CLIP2: variants seen among roughly 807,000 people sequenced by gnomAD.
CLIP2 encodes the protein CAP-Gly domain-containing linker protein 2.
CLIP2 carries 41 observed loss-of-function variants against 111.7 expected under a neutral mutation model. The ratio of observed to expected loss-of-function variants is 0.37; its 90% confidence interval spans 0.29 to 0.48. CLIP2 has a LOEUF of 0.48. Ranked by LOEUF, CLIP2 falls within the 20% of genes least tolerant of loss-of-function variation. The pLI is 0.99. For synonymous variants in CLIP2, 660 were observed against 644.2 expected (o/e 1.02, Z -0.37); for missense variants, 1,160 against 1,422.1 (o/e 0.82, Z 2.96).
At chr7:74,353,772 C>A in intron 3 of CLIP2, 108 bp from the exon 4 acceptor site, 1 of 1,488,962 alleles carries the variant, frequency 6.7e-7, no homozygotes, top group Non-Finnish European at 9.4e-7. Flanking sequence ...CTCCCGTGTC[C>A]TCTGCATGCT....
chr7:74,334,979 G>A (rs1337913107), intron 2 of CLIP2, among the ~76,000 whole-genome samples: 1 of 151,866 alleles, frequency 6.6e-6, no homozygotes, highest in African/African-American at 2.4e-5. Flanking sequence ...TCCAGCCTGG[G>A]CAACAGAGTG....
intron 9 of CLIP2, among the ~76,000 whole-genome samples, chr7:74,374,437 G>T (rs1299837462): frequency 2.6e-5 from 4 of 152,226 alleles, no homozygotes. Flanking sequence ...AGGGCTGGGT[G>T]TGGTGGCTCA....
At chr7:74,334,126 C>A (rs1002424813) in intron 2 of CLIP2, among the ~76,000 whole-genome samples, 3 of 152,178 alleles carry the variant, frequency 2.0e-5, no homozygotes, top group Non-Finnish European at 2.9e-5. Context: ...ACTTGGCTCG[C>A]CCTGGCCAAG....
intron 7 of CLIP2, 84 bp from the exon 8 acceptor site, chr7:74,364,171 T>C: frequency 1.6e-6 from 2 of 1,274,636 alleles, no homozygotes; most frequent in Non-Finnish European, 2.2e-6. Flanking sequence ...TCTCATGGCC[T>C]TGCCTCTCTC....
chr7:74,325,120 G>A (rs192193408), intron 2 of CLIP2, among the ~76,000 whole-genome samples: 199 of 152,286 alleles, frequency 1.3e-3, no homozygotes, highest in Non-Finnish European at 1.9e-3. Flanking sequence ...CTCAGCCTCC[G>A]GCAGAGGATC....
intron 10 of CLIP2, among the ~76,000 whole-genome samples, chr7:74,378,445 A>G (rs1416440393): frequency 6.6e-6 from 1 of 152,118 alleles, no homozygotes; most frequent in African/African-American, 2.4e-5. Context: ...TGTATATTCA[A>G]ACCAGAATTT....
In CLIP2 at chr7:74,357,472, G is replaced by A; in HGVS notation, c.1210G>A (p.Glu404Lys). ...KEIALLKAQH[E>K]QYVAEAEEKL... ...GATTGCCCTGCTCAAGGCACAGCAT[G>A]AGCAGGTGAGTGGCAGGTGGGGCTG... Residue 404 changes from glutamate (E) to lysine (K), a missense_variant, in exon 6 of 17, where the codon GAG becomes AAG. Glu to Lys is a moderately conservative substitution (Grantham distance 56, BLOSUM62 1). This residue lies in a region of CLIP2 where 70 missense variants were observed against 114.9 expected (regional missense o/e 0.61). Coordinates refer to ENST00000223398, the MANE Select transcript of CLIP2 (RefSeq NM_003388.5). 2 of 1,611,862 alleles carry A rather than the reference G, an allele frequency of 1.2e-6. No homozygotes were observed. The highest frequency in any genetic ancestry group is 1.7e-6 in the Non-Finnish European group (2 of 1,179,062).
intron 8 of CLIP2, chr7:74,364,837 C>T (rs180802265): frequency 1.7e-4 from 76 of 454,226 alleles, no homozygotes; most frequent in African/African-American, 1.3e-3. Context: ...GCCTGGGCAA[C>T]GTAGCAAGAT....
At chr7:74,362,707 A>G (rs1310448993) in intron 7 of CLIP2, among the ~76,000 whole-genome samples, 2 of 150,964 alleles carry the variant, frequency 1.3e-5, no homozygotes, top group Non-Finnish European at 3.0e-5. Flanking sequence ...GCTAATTTTT[A>G]TATTTTTAGT....
At chr7:74,362,535 T>TC (rs562237022) in intron 7 of CLIP2, among the ~76,000 whole-genome samples, 1 of 147,518 alleles carries the variant, frequency 6.8e-6, no homozygotes, top group Non-Finnish European at 1.5e-5. Context: ...TTTCTTTTTT[T>TC]TTTTTTTTTT....
chr7:74,362,528 C>CTTTTTTTTTTTTT (rs3044338), intron 7 of CLIP2, among the ~76,000 whole-genome samples: 197 of 121,916 alleles, frequency 1.6e-3, no homozygotes, highest in Middle Eastern at 4.9e-3. Flanking sequence ...TTTTTCTTTT[C>CTTTTTTTTTTTTT]TTTTTTTTTT....
At chr7:74,299,322 C>G (rs1431531033) in intron 1 of CLIP2, among the ~76,000 whole-genome samples, 1 of 143,390 alleles carries the variant, frequency 7.0e-6, no homozygotes, top group East Asian at 2.0e-4. Context: ...AAGACCCTGT[C>G]TAAAATAAAT....
At chr7:74,380,701 T>G in intron 10 of CLIP2, 105 bp from the exon 11 acceptor site, 22 of 857,260 alleles carry the variant, frequency 2.6e-5, no homozygotes, top group Non-Finnish European at 3.8e-5. Context: ...AGGTCCCCCT[T>G]TGTAGGAGTA....
intron 13 of CLIP2, among the ~76,000 whole-genome samples, chr7:74,393,195 C>T (rs782438711): frequency 6.6e-6 from 1 of 151,682 alleles, no homozygotes; most frequent in South Asian, 2.1e-4. Context: ...ATCACCATGC[C>T]CAGCTAATTT....
chr7:74,297,799 A>G (rs1554726284), intron 1 of CLIP2, among the ~76,000 whole-genome samples: 1 of 151,798 alleles, frequency 6.6e-6, no homozygotes, highest in African/African-American at 2.4e-5. Flanking sequence ...GGACGAGAGT[A>G]GCGGAGGAGG....
intron 1 of CLIP2, among the ~76,000 whole-genome samples, chr7:74,310,983 C>CT (rs34526196): frequency 0.59 from 84,496 of 142,180 alleles, 27,348 homozygotes; most frequent in Non-Finnish European, 0.73. Context: ...CTATTTTTAA[C>CT]TTTTTTTTTT....
chr7:74,293,153 T>G (rs782220658), intron 1 of CLIP2, among the ~76,000 whole-genome samples: 2 of 152,110 alleles, frequency 1.3e-5, no homozygotes, highest in Non-Finnish European at 2.9e-5. Context: ...ATCCCATACC[T>G]TTGGGATTAT....
At position 74,376,722 on chromosome 7, in the gene CLIP2, C is replaced by T. The variant is rs782722122; in HGVS notation, c.2321C>T (p.Ala774Val). The T allele has an allele frequency of 1.9e-6, 3 of 1,613,004 alleles. No individual in the cohort carries two copies. Among genetic ancestry groups the T allele is most frequent in the Non-Finnish European group, 2.5e-6 (3 of 1,179,788 alleles). ...TACGAGCGGCTGCAGCGGGCAGAAG[C>T]CCAGGGCAAACAGGAGGTCGAGAGT... Reference protein sequence around the residue: ...LDYERLQRAEAQGKQEVESLR... With the variant: ...LDYERLQRAEVQGKQEVESLR... The change falls in exon 10 of 17, where the codon GCC (alanine) becomes GTC (valine). Residue 774 changes from alanine (A) to valine (V), a missense_variant. Physicochemically the swap from Ala to Val is moderately conservative, Grantham distance 64. Transcript: ENST00000223398. This position sits in a 1 kb window ranked among gnomAD's most constrained non-coding sequence, Gnocchi z 7.1.
At chr7:74,290,643 A>AT (rs1564019540) in intron 1 of CLIP2, among the ~76,000 whole-genome samples, 1 of 152,078 alleles carries the variant, frequency 6.6e-6, no homozygotes, top group Non-Finnish European at 1.5e-5. Flanking sequence ...GGGGTCTGGG[A>AT]TGAGGGGGTC....
Sources: gnomAD v4.1 joint callset for allele counts (sites outside exome capture counted in the v4.1 genomes callset) on GRCh38, gnomAD v4.1.1 for gene constraint, gnomAD v4.1.1 regional missense constraint, Gnocchi (gnomAD v3.1) non-coding constraint, MANE v1.5 for transcripts, NCBI Gene and HGNC (gene_info 2026-07-23, HGNC 2026-07-21) for gene names.